Variants in CIDEA observed in about 807,000 individuals in gnomAD.
The protein encoded by CIDEA is lipid transferase CIDEA.
Under a neutral mutation model 18.2 loss-of-function variants are expected in CIDEA, and 10 were observed. The ratio of observed to expected loss-of-function variants is 0.55; its 90% CI spans 0.34 to 0.93. The LOEUF is 0.93. Among genes scored for constraint, CIDEA ranks in the 40% least tolerant of loss-of-function variants. The pLI, the probability that CIDEA is intolerant of heterozygous loss-of-function variation, is 0.02. For synonymous variants in CIDEA, 128 were observed against 124.8 expected (o/e 1.03, Z -0.17); for missense variants, 309 against 293.1 (o/e 1.05, Z -0.40).
At chr18:12,254,563 C>CCGCGCACACACCCAT (rs1555660992) in intron 1 of CIDEA, 142 bp downstream of exon 1, 7 of 1,509,860 alleles carry the variant, frequency 4.6e-6, no homozygotes, top group South Asian at 2.5e-5. Context: ...GCTCCGCGAC[C>CCGCGCACACACCCAT]CCGCGCACAC....
intron 3 of CIDEA, among the ~76,000 whole-genome samples, chr18:12,267,108 A>G (rs913933467): frequency 2.0e-5 from 3 of 151,940 alleles, no homozygotes; most frequent in African/African-American, 7.2e-5. Context: ...TACTACCACC[A>G]ACAGCTACTT....
chr18:12,265,271 T>G lies in CIDEA; in HGVS notation c.330+818T>G, dbSNP rs138182854. ...ATGTAAAGCACAATATCAAAATATC[T>G]TTTCACATAATAAACTGATCTCCAA... On this transcript the variant is annotated intron_variant, in intron 3 of 4. Coordinates refer to ENST00000320477, the MANE Select transcript of CIDEA (RefSeq NM_001279.4). Among the ~76,000 whole-genome samples the G allele has an allele frequency of 3.7e-4, 56 of 152,382 alleles. No individual in the cohort carries two copies. In the East Asian group the frequency reaches 0.01, roughly 28 times the overall value.
intron 3 of CIDEA, among the ~76,000 whole-genome samples, chr18:12,268,682 G>A (rs1219794628): frequency 3.9e-5 from 6 of 152,100 alleles, no homozygotes; most frequent in East Asian, 1.9e-4. Flanking sequence ...GATTACAGGC[G>A]TGAGCCACCC....
intron 3 of CIDEA, 132 bp downstream of exon 3, chr18:12,264,585 G>A (rs1056780585): frequency 1.5e-5 from 10 of 687,626 alleles, no homozygotes; most frequent in Non-Finnish European, 2.0e-5. Context: ...ACGGAGTCTC[G>A]CTCTGTCACC....
chr18:12,254,600 C>A, intron 1 of CIDEA, 179 bp downstream of exon 1: 1 of 1,528,112 alleles, frequency 6.5e-7, no homozygotes, highest in South Asian at 1.2e-5. Flanking sequence ...GGTGCCCAAG[C>A]CGTCCAGCCG....
chr18:12,264,743 C>T (rs963680629), intron 3 of CIDEA, among the ~76,000 whole-genome samples: 5 of 152,062 alleles, frequency 3.3e-5, no homozygotes, highest in African/African-American at 4.8e-5. Context: ...TTAGTAGAGA[C>T]GGGGTTTCAC....
intron 3 of CIDEA, among the ~76,000 whole-genome samples, chr18:12,269,473 G>T (rs999151644): frequency 6.6e-6 from 1 of 152,188 alleles, no homozygotes; most frequent in Non-Finnish European, 1.5e-5. Context: ...TAATCTGAAG[G>T]TATACCAGTG....
At chr18:12,268,788 A>T (rs1291671240) in intron 3 of CIDEA, among the ~76,000 whole-genome samples, 1 of 152,032 alleles carries the variant, frequency 6.6e-6, no homozygotes, top group Non-Finnish European at 1.5e-5. Flanking sequence ...ATAGGTATTA[A>T]TTCATTAAAA....
At position 12,274,081 on chromosome 18, in the gene CIDEA, C is replaced by G. The variant is rs775796121; in HGVS notation, c.331-12C>G. ...AGGCTCCTGAAGCCTGCCCCTCCCC[C>G]CATTGTCACAGGGCAGCCAGCACGT... is the stretch of plus-strand genomic sequence containing the variant. On this transcript the variant is annotated splice_polypyrimidine_tract_variant and intron_variant, in intron 3 of 4. Coordinates refer to ENST00000320477, the MANE Select transcript of CIDEA (RefSeq NM_001279.4). 13 of 1,613,840 alleles carry G rather than the reference C, an allele frequency of 8.1e-6. No individual in the cohort carries two copies. The highest frequency in any genetic ancestry group is 6.7e-5 in the East Asian group (3 of 44,894).
chr18:12,256,534 A>G (rs763134703), intron 1 of CIDEA, among the ~76,000 whole-genome samples: 5 of 152,256 alleles, frequency 3.3e-5, no homozygotes, highest in Non-Finnish European at 7.3e-5. Context: ...CAGGTTGACT[A>G]TCACAGACAA....
chr18:12,272,171 GGT>G (rs1912564704), intron 3 of CIDEA, among the ~76,000 whole-genome samples: 33 of 19,996 alleles, frequency 1.7e-3, no homozygotes, highest in East Asian at 4.2e-3. Context: ...GTTGGGGGGG[GGT>G]TGTTGTTGTT....
intron 3 of CIDEA, among the ~76,000 whole-genome samples, chr18:12,264,784 A>T (rs1912305005): frequency 6.6e-6 from 1 of 151,930 alleles, no homozygotes; most frequent in South Asian, 2.1e-4. Flanking sequence ...CGATCTCCTG[A>T]CCTCGCGATC....
chr18:12,260,615 C>T (rs1277697497), intron 1 of CIDEA, among the ~76,000 whole-genome samples: 1 of 152,202 alleles, frequency 6.6e-6, no homozygotes, highest in East Asian at 1.9e-4. Flanking sequence ...CTAGGTATTA[C>T]AGGAAATATA....
At chr18:12,268,437 C>A (rs1385675587) in intron 3 of CIDEA, among the ~76,000 whole-genome samples, 1 of 150,156 alleles carries the variant, frequency 6.7e-6, no homozygotes, top group Non-Finnish European at 1.5e-5. Context: ...TGCTCTGTCG[C>A]CCACTCTGGA....
At chr18:12,262,526 T>C (rs1912221762) in intron 1 of CIDEA, among the ~76,000 whole-genome samples, 1 of 152,222 alleles carries the variant, frequency 6.6e-6, no homozygotes, top group African/African-American at 2.4e-5. Flanking sequence ...TTGCAGAATA[T>C]AATTCTTATT....
In CIDEA at chr18:12,277,166, C is replaced by G. The variant is rs769736426; in HGVS notation, c.556C>G (p.Gln186Glu). Residue 186 changes from glutamine to glutamate, a missense_variant, in exon 5 of 5, where the codon CAG (glutamine) becomes GAG (glutamate). By Grantham distance (29) the Gln-to-Glu change is conservative. Transcript: ENST00000320477. ...GTCCTACTCCGCCCAGGTGACGGGA[C>G]AGTTTCTCATCTATCTGGGCACATA... ...FLSYSAQVTG[Q>E]FLIYLGTYML... is the part of the protein sequence containing the mutation. 1.9e-6 allele frequency: 3 copies of G among 1,614,068 alleles called. No individual in the cohort carries two copies. Among genetic ancestry groups the G allele is most frequent in the South Asian group, 2.2e-5 (2 of 91,080 alleles).
In CIDEA at chr18:12,277,167, A is replaced by G. The variant is rs905633659; in HGVS notation, c.557A>G (p.Gln186Arg). 6.8e-6 allele frequency: 11 copies of G among 1,614,072 alleles called. No individual in the cohort carries two copies. The highest frequency in any genetic ancestry group is 8.5e-6 in the Non-Finnish European group (10 of 1,180,038). The change falls in exon 5 of 5, where the codon CAG becomes CGG. Residue 186 changes from glutamine to arginine, a missense_variant. Gln to Arg is a conservative substitution (Grantham distance 43). Coordinates refer to ENST00000320477, the MANE Select transcript of CIDEA (RefSeq NM_001279.4). ...TCCTACTCCGCCCAGGTGACGGGAC[A>G]GTTTCTCATCTATCTGGGCACATAC... ...FLSYSAQVTGQFLIYLGTYML... is the reference protein window; with the variant it reads ...FLSYSAQVTGRFLIYLGTYML...
In CIDEA at chr18:12,265,688, G is replaced by A. The variant is rs72870133; in HGVS notation, c.330+1235G>A. Among the ~76,000 whole-genome samples the A allele has an allele frequency of 3.9e-3, 596 of 152,304 alleles. 2 individuals carry two copies. Among genetic ancestry groups the A allele is most frequent in the Non-Finnish European group, 7.1e-3 (483 of 68,018 alleles). On this transcript the variant is annotated intron_variant, in intron 3 of 4. Coordinates refer to ENST00000320477, the MANE Select transcript of CIDEA (RefSeq NM_001279.4). ...TCCAGCCCCGTTTCCAGGATTGATAGTGCCCCAGGTAACTAGCAGGAGCTC... is the reference window on the plus strand; with the variant it reads ...TCCAGCCCCGTTTCCAGGATTGATAATGCCCCAGGTAACTAGCAGGAGCTC...
intron 3 of CIDEA, among the ~76,000 whole-genome samples, chr18:12,265,825 C>A (rs1912332630): frequency 6.6e-6 from 1 of 152,094 alleles, no homozygotes; most frequent in South Asian, 2.1e-4. Flanking sequence ...ACTCAGGCAC[C>A]ACATTCATGA....
Sources: allele counts gnomAD v4.1 joint callset (sites outside exome capture counted in the v4.1 genomes callset), GRCh38; gene constraint gnomAD v4.1.1; transcripts MANE v1.5; gene names NCBI Gene and HGNC (gene_info 2026-07-23, HGNC 2026-07-21).